KBTBD2: variants seen among roughly 807,000 people sequenced by gnomAD.
KBTBD2 encodes kelch repeat and BTB domain-containing protein 2.
KBTBD2 carries 17 observed loss-of-function variants against 57.1 expected under a neutral mutation model. That is an observed-to-expected ratio of 0.30 (90% confidence interval 0.20 to 0.45). The LOEUF (loss-of-function observed/expected upper bound fraction) is 0.45. KBTBD2 is among the 20% of genes least tolerant of loss of function. KBTBD2 has a pLI of 1.00. For missense variants in KBTBD2, 515 were observed against 750.6 expected (o/e 0.69, Z 3.67); for synonymous variants, 267 against 262.7 (o/e 1.02, Z -0.16).
chr7:32,888,123 C>T (rs779394251), intron 1 of KBTBD2, among the ~76,000 whole-genome samples: 3 of 152,154 alleles, frequency 2.0e-5, no homozygotes, highest in Non-Finnish European at 4.4e-5. Flanking sequence ...TAAGAGAAAT[C>T]CAATGTTTTC....
intron 3 of KBTBD2, chr7:32,874,389 T>C (rs1464402745): frequency 2.7e-5 from 4 of 150,650 alleles, no homozygotes; most frequent in Non-Finnish European, 4.4e-5. Flanking sequence ...GACAGAATGA[T>C]ACTCCGTCTC....
intron 2 of KBTBD2, among the ~76,000 whole-genome samples, chr7:32,875,531 G>C (rs1784290583): frequency 6.6e-6 from 1 of 152,098 alleles, no homozygotes; most frequent in Non-Finnish European, 1.5e-5. Context: ...CTCAGCCTCT[G>C]AAAGTGCTCG....
intron 1 of KBTBD2, among the ~76,000 whole-genome samples, chr7:32,889,027 A>T (rs1186046700): frequency 6.6e-6 from 1 of 152,158 alleles, no homozygotes; most frequent in Non-Finnish European, 1.5e-5. Context: ...AGCTGGGGAA[A>T]AGTGGCCAGG....
At position 32,869,724 on chromosome 7, in the gene KBTBD2, G is replaced by C; in HGVS notation, c.1493C>G (p.Thr498Ser). Residue 498 changes from threonine to serine, a missense_variant, in exon 4 of 4, where the codon ACT (threonine) becomes AGT (serine). Physicochemically the swap from Thr to Ser is moderately conservative, Grantham distance 58. Transcript: ENST00000304056. ...PSGTVDGSSV[T>S]VEIYDVNKNE... ...TTTATTCACATCATAAATTTCCACA[G>C]TTACTGAAGACCCATCTACAGTGCC... is the stretch of plus-strand genomic sequence containing the variant. 1 of 1,614,092 alleles carries C rather than the reference G, an allele frequency of 6.2e-7. No individual in the cohort carries two copies. The highest frequency in any genetic ancestry group is 1.1e-5 in the South Asian group (1 of 91,078).
At chr7:32,872,421 T>C (rs763954554) in intron 3 of KBTBD2, among the ~76,000 whole-genome samples, 1 of 152,170 alleles carries the variant, frequency 6.6e-6, no homozygotes, top group Non-Finnish European at 1.5e-5. Flanking sequence ...AACTCGCACC[T>C]GTAATCCTAG....
rs930507102 is a variant in KBTBD2 at position 32,870,300 on chromosome 7, T to C, written c.917A>G (p.His306Arg). The change falls in exon 4 of 4, where the codon CAT (histidine) becomes CGT (arginine). Residue 306 changes from histidine to arginine, a missense_variant. Physicochemically the swap from His to Arg is conservative, Grantham distance 29 (BLOSUM62 0). Transcript: ENST00000304056. ...YKLCSPPADL[H>R]KVGTVVTPDN... Reference sequence around the variant, plus strand: ...AGGAGTTACAACGGTCCCAACCTTATGCAAATCAGCTGGTGGGCTACATAA... The same window carrying C: ...AGGAGTTACAACGGTCCCAACCTTACGCAAATCAGCTGGTGGGCTACATAA... The C allele has an allele frequency of 1.2e-6, 2 of 1,614,134 alleles. No individual in the cohort carries two copies. Among genetic ancestry groups the C allele is most frequent in the African/African-American group, 1.3e-5 (1 of 75,034 alleles).
At chr7:32,871,735 A>C (rs1784183433) in intron 3 of KBTBD2, among the ~76,000 whole-genome samples, 1 of 152,194 alleles carries the variant, frequency 6.6e-6, no homozygotes, top group African/African-American at 2.4e-5. Context: ...GAGAATATAT[A>C]TAAAGTATCA....
At chr7:32,882,070 A>AT (rs11297643) in intron 1 of KBTBD2, among the ~76,000 whole-genome samples, 46 of 149,142 alleles carry the variant, frequency 3.1e-4, no homozygotes, top group South Asian at 1.9e-3. Context: ...ACTAGCAAAG[A>AT]TTTTTTTTTT....
intron 1 of KBTBD2, among the ~76,000 whole-genome samples, chr7:32,882,387 TATA>T (rs1190425323): frequency 7.9e-5 from 12 of 152,166 alleles, no homozygotes; most frequent in African/African-American, 2.7e-4. Flanking sequence ...TCATTAACCA[TATA>T]ATAATATGAT....
Position 32,868,709 on chromosome 7 carries a change from C to T in KBTBD2, c.*636G>A, listed in dbSNP as rs1224055791. The T allele has an allele frequency of 6.6e-6, 1 of 152,604 alleles. No individual in the cohort carries two copies. Among genetic ancestry groups the T allele is most frequent in the Non-Finnish European group, 1.5e-5 (1 of 68,052 alleles). The allele number at this position is 152,604 out of a possible 1,614,324, so 9.5% of individuals were successfully genotyped here. On this transcript the variant is annotated 3_prime_UTR_variant, in exon 4 of 4. Transcript: ENST00000304056. ...AAGTCCACACCTGGTAAATGACCAG[C>T]TGACTGGAAGACCTGTATTCTAGAT... is the stretch of plus-strand genomic sequence containing the variant.
At chr7:32,888,715 T>C (rs1052719862) in intron 1 of KBTBD2, among the ~76,000 whole-genome samples, 10 of 150,716 alleles carry the variant, frequency 6.6e-5, no homozygotes, top group Non-Finnish European at 1.3e-4. Context: ...AAAAAAAAAT[T>C]TCAGCATAGC....
At chr7:32,882,856 C>T (rs1022641545) in intron 1 of KBTBD2, among the ~76,000 whole-genome samples, 7 of 151,644 alleles carry the variant, frequency 4.6e-5, no homozygotes, top group Non-Finnish European at 8.8e-5. Context: ...CATGGTAGCA[C>T]GTGCTGTAAT....
rs1784100963 is a variant in KBTBD2 at position 32,869,142 on chromosome 7, T to C, written c.*203A>G. 2 of 495,312 alleles carry C rather than the reference T, an allele frequency of 4.0e-6. No individual in the cohort carries two copies. The highest frequency in any genetic ancestry group is 3.8e-5 in the Admixed American group (1 of 26,322). 30.7% of individuals were successfully genotyped at this position (495,312 alleles called of 1,614,324 possible). On this transcript the variant is annotated 3_prime_UTR_variant, in exon 4 of 4. Transcript: ENST00000304056. The stretch of plus-strand genomic sequence containing the variant: ...AAAGTTTCTCAATTATTGAATAATC[T>C]ATTTCATATTATGGAAGCATATCTT...
intron 1 of KBTBD2, among the ~76,000 whole-genome samples, chr7:32,886,694 T>C (rs1008364231): frequency 5.9e-5 from 9 of 152,176 alleles, no homozygotes; most frequent in African/African-American, 1.7e-4. Flanking sequence ...TTAACTTTCC[T>C]ATAAAATAAC....
chr7:32,877,191 G>T (rs1223306753), intron 2 of KBTBD2, among the ~76,000 whole-genome samples: 2 of 151,846 alleles, frequency 1.3e-5, no homozygotes, highest in Admixed American at 6.6e-5. Flanking sequence ...CTGATTTTTT[G>T]TATTTTTAGT....
chr7:32,889,740 G>T (rs747226883), intron 1 of KBTBD2, among the ~76,000 whole-genome samples: 1 of 152,176 alleles, frequency 6.6e-6, no homozygotes, highest in Non-Finnish European at 1.5e-5. Context: ...ATGACACCAG[G>T]ATCAATCCTT....
intron 1 of KBTBD2, among the ~76,000 whole-genome samples, chr7:32,890,434 C>A (rs1321906610): frequency 6.6e-6 from 1 of 152,178 alleles, no homozygotes; most frequent in Non-Finnish European, 1.5e-5. Flanking sequence ...CAAACTAAGT[C>A]ATTCACAATT....
intron 1 of KBTBD2, among the ~76,000 whole-genome samples, chr7:32,890,761 G>T (rs1784711914): frequency 6.6e-6 from 1 of 152,084 alleles, no homozygotes; most frequent in Non-Finnish European, 1.5e-5. Flanking sequence ...CACTGGAAGG[G>T]GTCACCGTGG....
intron 1 of KBTBD2, among the ~76,000 whole-genome samples, chr7:32,889,927 G>C (rs1784687236): frequency 6.6e-6 from 1 of 152,210 alleles, no homozygotes; most frequent in Non-Finnish European, 1.5e-5. Flanking sequence ...GGAATGAAAA[G>C]CTCAACATTT....
Sources: gnomAD v4.1 joint callset for allele counts (sites outside exome capture counted in the v4.1 genomes callset) on GRCh38, gnomAD v4.1.1 for gene constraint, MANE v1.5 for transcripts, NCBI Gene and HGNC (gene_info 2026-07-23, HGNC 2026-07-21) for gene names.